Variants in CPNE4 observed in about 807,000 individuals in gnomAD.
CPNE4 encodes the protein copine 4, also known as copine-4.
A neutral mutation model predicts 67.9 loss-of-function variants in CPNE4; 25 were observed. The observed-to-expected ratio is 0.37, with a 90% confidence interval of 0.27 to 0.51. CPNE4 has a LOEUF of 0.51. CPNE4 is among the 20% of genes least tolerant of loss of function. The probability of loss-of-function intolerance (pLI) is 0.93; values close to 1 mark genes in which losing one functional copy is unlikely to be tolerated. For missense variants in CPNE4, 464 were observed against 690.8 expected, an observed-to-expected ratio of 0.67 and a Z score of 3.68; for synonymous variants, 242 against 244.9, an observed-to-expected ratio of 0.99 and a Z score of 0.11.
At chr3:131,618,398 G>A (rs1246563442) in intron 7 of CPNE4, among the ~76,000 whole-genome samples, 2 of 152,098 alleles carry the variant, frequency 1.3e-5, no homozygotes, top group African/African-American at 4.8e-5. Flanking sequence ...TTTTTGTGGG[G>A]AGAATATTAC....
intron 2 of CPNE4, among the ~76,000 whole-genome samples, chr3:131,851,552 C>T (rs999770859): frequency 5.9e-5 from 9 of 152,056 alleles, no homozygotes; most frequent in African/African-American, 2.2e-4. Context: ...CACATTTATA[C>T]AGACCGGTGT....
intron 8 of CPNE4, among the ~76,000 whole-genome samples, chr3:131,583,142 C>T (rs1937953058): frequency 6.6e-6 from 1 of 152,158 alleles, no homozygotes; most frequent in Non-Finnish European, 1.5e-5. Flanking sequence ...AAGAAGAAAA[C>T]ATTCAAAGCA....
chr3:131,954,378 A>G (rs2699858), intron 1 of CPNE4, among the ~76,000 whole-genome samples: 12,086 of 152,268 alleles, frequency 0.079, 625 homozygotes, highest in Admixed American at 0.16. Context: ...ATATGCACAC[A>G]AACACCCAAA....
chr3:131,985,340 CAA>C (rs1321429622), intron 1 of CPNE4, among the ~76,000 whole-genome samples: 6 of 152,280 alleles, frequency 3.9e-5, no homozygotes, highest in African/African-American at 1.4e-4. Flanking sequence ...TACTTGCACC[CAA>C]ATCCTTGTCT....
intron 1 of CPNE4, among the ~76,000 whole-genome samples, chr3:131,916,564 G>C (rs1055299034): frequency 6.6e-6 from 1 of 152,120 alleles, no homozygotes; most frequent in Non-Finnish European, 1.5e-5. Context: ...ACAACATGGT[G>C]TGTTTTGGGA....
chr3:131,720,441 C>A (rs2061870), intron 3 of CPNE4, among the ~76,000 whole-genome samples: 1 of 151,654 alleles, frequency 6.6e-6, no homozygotes, highest in Non-Finnish European at 1.5e-5. Context: ...TGCACCACCA[C>A]GCCCAGCTAA....
chr3:131,894,883 T>C (rs1035111116), intron 2 of CPNE4, among the ~76,000 whole-genome samples: 2 of 151,970 alleles, frequency 1.3e-5, no homozygotes, highest in African/African-American at 2.4e-5. Context: ...GAAAATGAAA[T>C]CAGTATGTTG....
intron 2 of CPNE4, among the ~76,000 whole-genome samples, chr3:131,830,986 T>C (rs1448403726): frequency 1.3e-5 from 2 of 152,098 alleles, no homozygotes; most frequent in African/African-American, 2.4e-5. Context: ...AAATATACTG[T>C]TAGAATAATT....
At chr3:131,951,323 AT>A (rs756902187) in intron 1 of CPNE4, among the ~76,000 whole-genome samples, 1 of 150,834 alleles carries the variant, frequency 6.6e-6, no homozygotes, top group Non-Finnish European at 1.5e-5. Context: ...TTCACTATTG[AT>A]TTTTTATGTC....
At chr3:131,779,880 T>C (rs2083390366) in intron 2 of CPNE4, among the ~76,000 whole-genome samples, 1 of 152,016 alleles carries the variant, frequency 6.6e-6, no homozygotes, top group Admixed American at 6.6e-5. Flanking sequence ...ACAAAGAAAC[T>C]ATGGATAGCA....
intron 6 of CPNE4, among the ~76,000 whole-genome samples, chr3:131,673,884 T>C (rs1196619328): frequency 6.6e-6 from 1 of 152,132 alleles, no homozygotes; most frequent in African/African-American, 2.4e-5. Flanking sequence ...CATCCTTGTC[T>C]TTTTCCAGAT....
intron 1 of CPNE4, among the ~76,000 whole-genome samples, chr3:131,916,879 A>T (rs2089201034): frequency 6.6e-6 from 1 of 152,156 alleles, no homozygotes; most frequent in Non-Finnish European, 1.5e-5. Context: ...GTTTTTTCTA[A>T]AGAACAAAGC....
chr3:131,621,101 T>G, intron 7 of CPNE4, among the ~76,000 whole-genome samples: 1 of 152,144 alleles, frequency 6.6e-6, no homozygotes, highest in East Asian at 1.9e-4. Flanking sequence ...TCAAAGTTGA[T>G]TGTTTTGACC....
intron 14 of CPNE4, among the ~76,000 whole-genome samples, chr3:131,546,324 A>G (rs185512263): frequency 1.8e-3 from 274 of 152,310 alleles, no homozygotes; most frequent in African/African-American, 6.4e-3. Flanking sequence ...CAGACTGGGA[A>G]AATGCTCATG....
intron 2 of CPNE4, among the ~76,000 whole-genome samples, chr3:131,780,426 C>T (rs2107852605): frequency 6.6e-6 from 1 of 152,186 alleles, no homozygotes; most frequent in Middle Eastern, 3.4e-3. Flanking sequence ...TGGAATCAAT[C>T]TATATGCCCA....
chr3:131,745,269 ATTGC>A (rs1374657000), intron 2 of CPNE4, among the ~76,000 whole-genome samples: 1 of 151,692 alleles, frequency 6.6e-6, no homozygotes, highest in African/African-American at 2.4e-5. Flanking sequence ...TGCACATTGG[ATTGC>A]TTGTTTATTG....
At chr3:131,605,255 TTTTA>T (rs375179992) in intron 7 of CPNE4, among the ~76,000 whole-genome samples, 25 of 152,258 alleles carry the variant, frequency 1.6e-4, no homozygotes, top group Middle Eastern at 3.4e-3. Flanking sequence ...CAGAATGCTA[TTTTA>T]TTTATTTATT....
intron 1 of CPNE4, among the ~76,000 whole-genome samples, chr3:132,028,744 G>A (rs1291027405): frequency 6.6e-6 from 1 of 152,058 alleles, no homozygotes; most frequent in Non-Finnish European, 1.5e-5. Flanking sequence ...CCACATAGGA[G>A]CATTAAGCAC....
chr3:131,755,696 G>T (rs1179201358), intron 2 of CPNE4, among the ~76,000 whole-genome samples: 1 of 152,140 alleles, frequency 6.6e-6, no homozygotes, highest in Non-Finnish European at 1.5e-5. Flanking sequence ...ACATTCTAAT[G>T]TTGATTACTT....
Sources: allele counts gnomAD v4.1 joint callset (sites outside exome capture counted in the v4.1 genomes callset), GRCh38; gene constraint gnomAD v4.1.1; transcripts MANE v1.5; gene names NCBI Gene and HGNC (gene_info 2026-07-23, HGNC 2026-07-21).